The following DPP6 variants were observed in gnomAD, a reference collection of about 807,000 sequenced individuals.
DPP6 encodes A-type potassium channel modulatory protein DPP6.
A neutral mutation model predicts 122.6 loss-of-function variants in DPP6; 69 were observed. That is an observed-to-expected ratio of 0.56 (90% CI 0.46 to 0.69). DPP6 has a LOEUF of 0.69. Ranked by LOEUF, DPP6 falls within the 30% of genes least tolerant of loss-of-function variation. The pLI, the probability that DPP6 is intolerant of heterozygous loss-of-function variation, is 0.00. For synonymous variants in DPP6, 418 were observed against 433.1 expected, an observed-to-expected ratio of 0.97 and a Z score of 0.43; for missense variants, 928 against 1,116.9, an observed-to-expected ratio of 0.83 and a Z score of 2.41.
intron 1 of DPP6, among the ~76,000 whole-genome samples, chr7:154,032,043 T>G (rs1799267458): frequency 6.9e-6 from 1 of 144,942 alleles, no homozygotes; most frequent in East Asian, 2.0e-4. Flanking sequence ...TTTTTTTTTT[T>G]GTATTTTTAG....
intron 1 of DPP6, among the ~76,000 whole-genome samples, chr7:154,073,284 C>T (rs1257936850): frequency 6.6e-6 from 1 of 152,216 alleles, no homozygotes; most frequent in Non-Finnish European, 1.5e-5. Flanking sequence ...CCTCTGTCTG[C>T]CTTTGTCTCC....
Position 154,893,639 on chromosome 7 carries a change from C to T in DPP6, c.*1159C>T, listed in dbSNP as rs1455736053. On this transcript the variant is annotated 3_prime_UTR_variant, in exon 26 of 26. Coordinates refer to ENST00000377770, the MANE Select transcript of DPP6 (RefSeq NM_130797.4). ...CGAGCAGGAGGTTGATGATGTGCTA[C>T]GTTAGCCTTGTAAGATACACCCCCA... 2 of 151,928 alleles carry T rather than the reference C, an allele frequency of 1.3e-5. No individual in the cohort carries two copies. The highest frequency in any genetic ancestry group is 1.9e-4 in the East Asian group (1 of 5,164). The allele number at this position is 151,928 out of a possible 1,614,324, so 9.4% of individuals were successfully genotyped here.
chr7:154,854,144 C>T (rs535670539), intron 17 of DPP6, among the ~76,000 whole-genome samples: 8 of 152,280 alleles, frequency 5.3e-5, no homozygotes, highest in Non-Finnish European at 1.2e-4. Context: ...CACATGAGTC[C>T]GTCCCCACTG....
the DPP6 span, among the ~76,000 whole-genome samples, chr7:153,860,642 C>T: frequency 1.0e-5 from 1 of 99,666 alleles, no homozygotes; most frequent in African/African-American, 4.6e-5. Flanking sequence ...TAAATCTTGC[C>T]CATGCCTTCA....
chr7:153,931,520 G>T (rs1165101427), intron 1 of DPP6, among the ~76,000 whole-genome samples: 1 of 151,894 alleles, frequency 6.6e-6, no homozygotes, highest in Admixed American at 6.6e-5. Flanking sequence ...GAAAAATATT[G>T]TTCCTTACAG....
Position 153,982,600 on chromosome 7 carries a change from G to GATC in DPP6, c.51+94867_51+94869dup, listed in dbSNP as rs557359194. On this transcript the variant is annotated intron_variant, in intron 1 of 25. Coordinates refer to the DPP6 transcript ENST00000404039. ...TGTTCCCTTGCTGGTGAGGAGTTGT[G>GATC]ATCCTTTGGAGGAGAAGAGGAATTC... 1.8e-3 allele frequency among the ~76,000 whole-genome samples: 270 copies of GATC among 152,146 alleles called. 2 individuals are homozygous for GATC. The highest frequency in any genetic ancestry group is 6.1e-3 in the African/African-American group (254 of 41,510).
rs1801646156 is a variant in DPP6 at position 154,241,902 on chromosome 7, C to G, written c.243+188839C>G. Among the ~76,000 whole-genome samples, 1 of 152,220 alleles carries G rather than the reference C, an allele frequency of 6.6e-6. No individual in the cohort carries two copies. Among genetic ancestry groups the G allele is most frequent in the South Asian group, 2.1e-4 (1 of 4,834 alleles). On this transcript the variant is annotated intron_variant, in intron 1 of 25. Coordinates refer to ENST00000377770, the MANE Select transcript of DPP6 (RefSeq NM_130797.4). This position sits in a 1 kb window ranked among gnomAD's most constrained non-coding sequence, Gnocchi z 9.0. The stretch of plus-strand genomic sequence containing the variant: ...CCCCAACACTCATCCTACTTACCTT[C>G]CTCTGGCATTCACAGAGGGCTGAGT...
intron 5 of DPP6, among the ~76,000 whole-genome samples, chr7:154,589,290 A>C (rs117299224): frequency 7.9e-4 from 120 of 152,300 alleles, no homozygotes; most frequent in Non-Finnish European, 1.4e-3. Context: ...AGGGATATTG[A>C]CATGTACCTA....
chr7:154,010,017 A>G (rs138373944), intron 1 of DPP6, among the ~76,000 whole-genome samples: 3 of 152,168 alleles, frequency 2.0e-5, no homozygotes, highest in Admixed American at 1.3e-4. Flanking sequence ...TAGTTGCTAT[A>G]ATGCCCAGCT....
chr7:154,113,763 G>A lies in DPP6; in HGVS notation c.243+60700G>A, dbSNP rs139443763. Among the ~76,000 whole-genome samples the A allele has an allele frequency of 1.3e-3, 194 of 151,724 alleles. 1 individual carries two copies. Among genetic ancestry groups the A allele is most frequent in the African/African-American group, 4.3e-3 (178 of 41,436 alleles). Reference sequence around the variant, plus strand: ...TAATACATTTTGAGTCGTTTTTTATGTACAGCATAAGATAAGAGTTCAGTT... The same window carrying A: ...TAATACATTTTGAGTCGTTTTTTATATACAGCATAAGATAAGAGTTCAGTT... On this transcript the variant is annotated intron_variant, in intron 1 of 25. Transcript: ENST00000377770.
rs948480757 is a variant in DPP6 at position 154,373,601 on chromosome 7, C to T, written c.244-72613C>T. On this transcript the variant is annotated intron_variant, in intron 1 of 25. Transcript: ENST00000377770. ...ATTTTTGCATTTATTTCTGCATGCG[C>T]TCATTTAAAAATTGTGTTGTTGTAG... Among the ~76,000 whole-genome samples the T allele has an allele frequency of 2.6e-5, 4 of 152,176 alleles. No homozygotes were observed. The East Asian group carries it at 5.8e-4, about 22-fold the overall frequency.
chr7:153,798,605 C>T, the DPP6 span, among the ~76,000 whole-genome samples: 2 of 152,174 alleles, frequency 1.3e-5, no homozygotes, highest in Admixed American at 6.5e-5. Context: ...GGACTGGTTT[C>T]ATTGAAGATA....
intron 1 of DPP6, among the ~76,000 whole-genome samples, chr7:154,280,219 T>C (rs527289708): frequency 1.3e-5 from 2 of 152,338 alleles, no homozygotes; most frequent in South Asian, 4.1e-4. Flanking sequence ...TCTATTACAG[T>C]GTTCTTGAGT....
chr7:153,945,590 C>T (rs551838692), intron 1 of DPP6, among the ~76,000 whole-genome samples: 13 of 152,238 alleles, frequency 8.5e-5, no homozygotes, highest in East Asian at 3.9e-4. Context: ...GCGGTGGAGG[C>T]GCTTGGAGGC....
intron 1 of DPP6, among the ~76,000 whole-genome samples, chr7:154,123,157 C>T (rs554741154): frequency 6.6e-5 from 10 of 152,266 alleles, no homozygotes; most frequent in African/African-American, 9.6e-5. Context: ...TCCCGCAGAC[C>T]GAATTGCCTT....
At chr7:154,623,953 G>A (rs984799757) in intron 5 of DPP6, among the ~76,000 whole-genome samples, 7 of 152,126 alleles carry the variant, frequency 4.6e-5, no homozygotes, top group African/African-American at 1.7e-4. Context: ...CAGCACTTTC[G>A]GAGGCCAAGG....
intron 6 of DPP6, among the ~76,000 whole-genome samples, chr7:154,663,053 G>A (rs1452207459): frequency 1.0e-4 from 4 of 38,974 alleles, no homozygotes; most frequent in East Asian, 1.3e-3. Context: ...TAGTGTTCAC[G>A]CAGTCATGGT....
At chr7:154,756,226 C>T (rs1843659393) in intron 8 of DPP6, among the ~76,000 whole-genome samples, 2 of 152,170 alleles carry the variant, frequency 1.3e-5, no homozygotes, top group African/African-American at 4.8e-5. Flanking sequence ...GGCCTGGGCT[C>T]ACCAGGCCCC....
chr7:153,833,151 CTAAAG>C, the DPP6 span, among the ~76,000 whole-genome samples: 1 of 152,156 alleles, frequency 6.6e-6, no homozygotes, highest in African/African-American at 2.4e-5. Flanking sequence ...GAATGACTTC[CTAAAG>C]TATTCATCTC....
Sources: allele counts gnomAD v4.1 joint callset (sites outside exome capture counted in the v4.1 genomes callset), GRCh38; gene constraint gnomAD v4.1.1; non-coding constraint Gnocchi (gnomAD v3.1); transcripts MANE v1.5; gene names NCBI Gene and HGNC (gene_info 2026-07-23, HGNC 2026-07-21).